Variants in CSMD2 observed in about 807,000 individuals in gnomAD.
The protein encoded by CSMD2 is CUB and sushi domain-containing protein 2.
CSMD2 carries 130 observed loss-of-function variants against 398.5 expected under a neutral mutation model. The ratio of observed to expected loss-of-function variants is 0.33; its 90% CI spans 0.28 to 0.38. The LOEUF is 0.38. Among genes scored for constraint, CSMD2 ranks in the 10% least tolerant of loss-of-function variants. The pLI, the probability that CSMD2 is intolerant of heterozygous loss-of-function variation, is 1.00. For missense variants in CSMD2, 3,829 were observed against 4,764.9 expected (o/e 0.80, Z 5.78); for synonymous variants, 1,828 against 1,908.5 (o/e 0.96, Z 1.10).
At chr1:33,772,500 G>C (rs1651413860) in intron 13 of CSMD2, 69 bp downstream of exon 13, 1 of 1,477,132 alleles carries the variant, frequency 6.8e-7, no homozygotes, top group Non-Finnish European at 9.3e-7. Flanking sequence ...GGGGCCCCTG[G>C]ATTAGCTAGG....
At chr1:33,949,510 C>T (rs1644939856) in intron 3 of CSMD2, among the ~76,000 whole-genome samples, 1 of 152,208 alleles carries the variant, frequency 6.6e-6, no homozygotes, top group Admixed American at 6.5e-5. Context: ...GTGAATAGTC[C>T]TACCCAGCTG....
chr1:34,163,749 C>T lies in CSMD2; in HGVS notation c.187+1162G>A, dbSNP rs530495588. Reference sequence around the variant, plus strand: ...CCAGCAGGTGTTTCGGTTTCTCCCCCAGTGGGTGTCAGCCTCGCGGGCTAA... The same window carrying T: ...CCAGCAGGTGTTTCGGTTTCTCCCCTAGTGGGTGTCAGCCTCGCGGGCTAA... On this transcript the variant is annotated intron_variant, in intron 1 of 70. Coordinates refer to ENST00000373381, the MANE Select transcript of CSMD2 (RefSeq NM_001281956.2). The surrounding 1 kb of genome is among the most constrained non-coding windows in gnomAD (Gnocchi z 5.4). Among the ~76,000 whole-genome samples the T allele has an allele frequency of 7.9e-5, 12 of 152,336 alleles. No homozygotes were observed. The South Asian group carries it at 2.5e-3, about 32-fold the overall frequency.
At chr1:34,165,336 T>C, upstream of CSMD2, 1 of 1,195,066 alleles carries the variant, frequency 8.4e-7, no homozygotes, top group Non-Finnish European at 1.0e-6. Context: ...AGGGGGTGAA[T>C]TATCCCCGGA....
At chr1:33,568,251 G>A (rs987079284) in intron 52 of CSMD2, among the ~76,000 whole-genome samples, 8 of 147,092 alleles carry the variant, frequency 5.4e-5, no homozygotes, top group South Asian at 2.1e-4. Flanking sequence ...GCAGTGGCAC[G>A]ATCTTGGCTC....
intron 2 of CSMD2, among the ~76,000 whole-genome samples, chr1:34,039,726 T>C (rs1019973298): frequency 6.6e-6 from 1 of 152,208 alleles, no homozygotes; most frequent in African/African-American, 2.4e-5. Context: ...GGTAAGCAGC[T>C]GAGCAGGTTT....
intron 26 of CSMD2, among the ~76,000 whole-genome samples, chr1:33,661,235 T>C (rs985429382): frequency 6.6e-6 from 1 of 152,202 alleles, no homozygotes; most frequent in Non-Finnish European, 1.5e-5. Flanking sequence ...TTGGGCGCAG[T>C]TGGAGAAAAT....
intron 19 of CSMD2, among the ~76,000 whole-genome samples, chr1:33,722,398 C>T (rs1051005927): frequency 3.9e-5 from 6 of 152,222 alleles, no homozygotes; most frequent in African/African-American, 1.4e-4. Flanking sequence ...AACCATTTCG[C>T]ACAATGTCAG....
rs1654086660 is a variant in CSMD2, at chr1:33,519,740, T to C, written c.10737-63A>G. 7 of 1,613,006 alleles carry C rather than the reference T, an allele frequency of 4.3e-6. No homozygotes were observed. In the Admixed American group the frequency reaches 1.2e-4, roughly 27 times the overall value. ...AGCGACACAGAGAGGCTTAGGGGTC[T>C]GGTGCGGGGGGCCCTGGAGGGAGAG... On this transcript the variant is annotated intron_variant, in intron 69 of 70. Transcript: ENST00000373381. The surrounding 1 kb of genome is among the most constrained non-coding windows in gnomAD (Gnocchi z 5.6).
intron 10 of CSMD2, among the ~76,000 whole-genome samples, chr1:33,808,519 G>A (rs902462092): frequency 2.6e-5 from 4 of 151,786 alleles, no homozygotes; most frequent in African/African-American, 7.2e-5. Context: ...AAACAATAAT[G>A]TAAATTAAAA....
chr1:34,085,002 T>A lies in CSMD2; in HGVS notation c.404+3975A>T, dbSNP rs7539763. On this transcript the variant is annotated intron_variant, in intron 2 of 70. Coordinates refer to ENST00000373381, the MANE Select transcript of CSMD2 (RefSeq NM_001281956.2). ...ACCCAAATGTCCAACAATGATAGAC[T>A]GGATTAAGAAAATGTGGCACAAATA... 4.6e-5 allele frequency among the ~76,000 whole-genome samples: 7 copies of A among 152,080 alleles called. No individual in the cohort carries two copies. In the East Asian group the frequency reaches 1.3e-3, roughly 29 times the overall value.
intron 4 of CSMD2, among the ~76,000 whole-genome samples, chr1:33,920,280 G>A (rs1643890712): frequency 6.6e-6 from 1 of 151,686 alleles, no homozygotes; most frequent in Admixed American, 6.6e-5. Flanking sequence ...TGTAATCCCA[G>A]CAATTTGGGA....
intron 29 of CSMD2, among the ~76,000 whole-genome samples, chr1:33,641,188 TCTTA>T (rs1369642474): frequency 3.9e-5 from 6 of 152,178 alleles, no homozygotes; most frequent in Admixed American, 1.3e-4. Context: ...TTCTTATGCT[TCTTA>T]CTTCTTGCTG....
intron 67 of CSMD2, 139 bp downstream of exon 67, chr1:33,523,168 G>A (rs1654463862): frequency 4.4e-5 from 24 of 547,760 alleles, no homozygotes. Flanking sequence ...GGATCCTCTT[G>A]CTGCTCCTAG....
chr1:33,783,346 T>C (rs1267774092), intron 12 of CSMD2, among the ~76,000 whole-genome samples: 2 of 151,662 alleles, frequency 1.3e-5, no homozygotes, highest in East Asian at 3.9e-4. Context: ...AGGAAGTAAT[T>C]AAGGTTAAAT....
chr1:33,621,907 C>T (rs1415999175), intron 37 of CSMD2, among the ~76,000 whole-genome samples: 6 of 152,162 alleles, frequency 3.9e-5, no homozygotes, highest in Non-Finnish European at 8.8e-5. Flanking sequence ...GGGACCTTGG[C>T]CAATGCAAGT....
At chr1:34,134,275 G>A (rs1638483511) in intron 1 of CSMD2, among the ~76,000 whole-genome samples, 1 of 152,082 alleles carries the variant, frequency 6.6e-6, no homozygotes, top group Non-Finnish European at 1.5e-5. Flanking sequence ...TATAGTAATA[G>A]TCTGGAGAGG....
intron 60 of CSMD2, among the ~76,000 whole-genome samples, chr1:33,539,112 C>G (rs1049155991): frequency 6.6e-6 from 1 of 152,112 alleles, no homozygotes; most frequent in Admixed American, 6.5e-5. Context: ...GGACTACAGG[C>G]GCCCGCCACC....
At position 33,753,104 on chromosome 1, in the gene CSMD2, G is replaced by A. The variant is rs538968403; in HGVS notation, c.1847-9498C>T. 1.4e-4 allele frequency among the ~76,000 whole-genome samples: 22 copies of A among 152,324 alleles called. No individual in the cohort carries two copies. The South Asian group carries it at 2.3e-3, about 16-fold the overall frequency. On this transcript the variant is annotated intron_variant, in intron 13 of 70. Coordinates refer to ENST00000373381, the MANE Select transcript of CSMD2 (RefSeq NM_001281956.2). Reference sequence around the variant, plus strand: ...TGGAAAATTTGCAACCTGACCCTGTGGTAAAGAAAGAATCTAAGCAGTCTG... The same window carrying A: ...TGGAAAATTTGCAACCTGACCCTGTAGTAAAGAAAGAATCTAAGCAGTCTG...
chr1:33,629,002 G>C (rs1382492212), intron 32 of CSMD2, among the ~76,000 whole-genome samples: 1 of 151,240 alleles, frequency 6.6e-6, no homozygotes, highest in Non-Finnish European at 1.5e-5. Flanking sequence ...TATATCCCAT[G>C]TCAAAAGGAA....
Sources: gnomAD v4.1 joint callset for allele counts (sites outside exome capture counted in the v4.1 genomes callset) on GRCh38, gnomAD v4.1.1 for gene constraint, Gnocchi (gnomAD v3.1) non-coding constraint, MANE v1.5 for transcripts, NCBI Gene and HGNC (gene_info 2026-07-23, HGNC 2026-07-21) for gene names.